FRAS1: variants seen among roughly 807,000 people sequenced by gnomAD.
FRAS1 encodes Fraser extracellular matrix complex subunit 1.
FRAS1 carries 290 observed loss-of-function variants against 435.2 expected under a neutral mutation model. The ratio of observed to expected loss-of-function variants is 0.67; its 90% CI spans 0.61 to 0.73. The LOEUF is 0.73. Among genes scored for constraint, FRAS1 ranks in the 30% least tolerant of loss-of-function variants. The pLI, the probability that FRAS1 is intolerant of heterozygous loss-of-function variation, is 0.00. For synonymous variants in FRAS1, 1,800 were observed against 1,851.0 expected, an observed-to-expected ratio of 0.97 and a Z score of 0.71; for missense variants, 4,860 against 5,001.5, an observed-to-expected ratio of 0.97 and a Z score of 0.85.
chr4:78,532,630 C>G (rs544377236), intron 70 of FRAS1, among the ~76,000 whole-genome samples: 28 of 152,218 alleles, frequency 1.8e-4, no homozygotes, highest in African/African-American at 6.7e-4. Flanking sequence ...CCTCGTCGCT[C>G]CTGGTAACCA....
In FRAS1 at chr4:78,065,973, T is replaced by C; in HGVS notation, c.77-12T>C. 13 of 1,603,064 alleles carry C rather than the reference T, an allele frequency of 8.1e-6. No homozygotes were observed. Among genetic ancestry groups the C allele is most frequent in the Non-Finnish European group, 1.1e-5 (13 of 1,171,054 alleles). Reference sequence around the variant, plus strand: ...GCATCCCTTTTAATTCTTGTTTTGTTTTTCCCCACAGGTGCTTGTGTCTAT... The same window carrying C: ...GCATCCCTTTTAATTCTTGTTTTGTCTTTCCCCACAGGTGCTTGTGTCTAT... On this transcript the variant is annotated splice_polypyrimidine_tract_variant and intron_variant, in intron 1 of 73. Coordinates refer to ENST00000512123, the MANE Select transcript of FRAS1 (RefSeq NM_025074.7).
chr4:78,115,033 G>A (rs1311596438), intron 2 of FRAS1, among the ~76,000 whole-genome samples: 1 of 152,114 alleles, frequency 6.6e-6, no homozygotes, highest in East Asian at 1.9e-4. Context: ...AGAGTTTTTA[G>A]CATGAAGGAT....
intron 32 of FRAS1, among the ~76,000 whole-genome samples, chr4:78,418,740 G>A (rs974149249): frequency 2.6e-5 from 4 of 152,146 alleles, no homozygotes; most frequent in Non-Finnish European, 5.9e-5. Flanking sequence ...AAGAAAATCT[G>A]AAAAGGACTC....
intron 47 of FRAS1, among the ~76,000 whole-genome samples, chr4:78,458,637 A>G (rs1363639009): frequency 6.6e-6 from 1 of 152,108 alleles, no homozygotes; most frequent in Non-Finnish European, 1.5e-5. Flanking sequence ...CAGAAGCCCA[A>G]ACTTCAGCAT....
chr4:78,144,014 GA>G (rs1486794970), intron 2 of FRAS1, among the ~76,000 whole-genome samples: 20 of 150,050 alleles, frequency 1.3e-4, no homozygotes, highest in African/African-American at 4.7e-4. Flanking sequence ...AAATATTTTA[GA>G]AAAAAATAAG....
chr4:78,260,718 T>C (rs1012692188), intron 6 of FRAS1, among the ~76,000 whole-genome samples: 1 of 152,178 alleles, frequency 6.6e-6, no homozygotes, highest in African/African-American at 2.4e-5. Context: ...CTAATTACCC[T>C]GGCCAGAACT....
At chr4:78,255,522 CTG>C in intron 6 of FRAS1, 147 bp downstream of exon 6, 1 of 771,688 alleles carries the variant, frequency 1.3e-6, no homozygotes, top group South Asian at 2.0e-5. Flanking sequence ...GAGACCACCT[CTG>C]AGACATTTCT....
rs960733267 is a variant in FRAS1, at chr4:78,534,737, A to G, written c.11092+122A>G. ...GTCACCACCCCAGTAAAGATCCCCC[A>G]GGGTTGGTTCCAGGACAGCCAGGAC... On this transcript the variant is annotated intron_variant, in intron 71 of 73. Coordinates refer to ENST00000512123, the MANE Select transcript of FRAS1 (RefSeq NM_025074.7). 3.2e-6 allele frequency: 3 copies of G among 926,972 alleles called. No individual in the cohort carries two copies. In the African/African-American group the frequency reaches 5.0e-5, roughly 16 times the overall value. 57.4% of individuals were successfully genotyped at this position (926,972 alleles called of 1,614,324 possible).
chr4:78,358,653 A>G (rs1730959011), intron 20 of FRAS1, among the ~76,000 whole-genome samples: 1 of 152,204 alleles, frequency 6.6e-6, no homozygotes. Flanking sequence ...AACTATAATA[A>G]TAATATGAAT....
At chr4:78,237,799 A>G (rs554713752) in intron 3 of FRAS1, among the ~76,000 whole-genome samples, 182 bp downstream of exon 3, 2 of 152,350 alleles carry the variant, frequency 1.3e-5, no homozygotes, top group East Asian at 3.9e-4. Flanking sequence ...GAATTTTAAC[A>G]TATCATATCA....
At chr4:78,114,880 G>A (rs1222802338) in intron 2 of FRAS1, among the ~76,000 whole-genome samples, 1 of 152,160 alleles carries the variant, frequency 6.6e-6, no homozygotes, top group East Asian at 1.9e-4. Context: ...AATAGGAGTG[G>A]TGAGAGAGGG....
At chr4:78,194,929 G>T (rs1722731941) in intron 2 of FRAS1, among the ~76,000 whole-genome samples, 1 of 152,138 alleles carries the variant, frequency 6.6e-6, no homozygotes, top group Non-Finnish European at 1.5e-5. Flanking sequence ...TTTGATGGTG[G>T]TGATGTACAG....
At chr4:78,157,295 T>G (rs747276760) in intron 2 of FRAS1, among the ~76,000 whole-genome samples, 8 of 152,224 alleles carry the variant, frequency 5.3e-5, no homozygotes, top group Non-Finnish European at 1.2e-4. Flanking sequence ...TGTACATGCA[T>G]ATGTCTTTTT....
chr4:78,180,723 CAG>C, intron 2 of FRAS1: 1 of 692,260 alleles, frequency 1.4e-6, no homozygotes. Context: ...ATTTTTGAAA[CAG>C]ATAAAATTCA....
intron 2 of FRAS1, among the ~76,000 whole-genome samples, chr4:78,116,922 G>A (rs1743229847): frequency 6.6e-6 from 1 of 152,182 alleles, no homozygotes; most frequent in Non-Finnish European, 1.5e-5. Flanking sequence ...TTTCTTCCTA[G>A]CCTTGATGAT....
At chr4:78,215,808 A>G (rs1289877706) in intron 2 of FRAS1, among the ~76,000 whole-genome samples, 1 of 152,208 alleles carries the variant, frequency 6.6e-6, no homozygotes, top group East Asian at 1.9e-4. Flanking sequence ...GCTGATTGAT[A>G]TTCCATTGTA....
intron 2 of FRAS1, among the ~76,000 whole-genome samples, chr4:78,067,021 T>C (rs1043978225): frequency 5.3e-5 from 8 of 152,350 alleles, no homozygotes; most frequent in African/African-American, 1.9e-4. Flanking sequence ...GCCCTGTTTA[T>C]TCTTTAATAT....
At chr4:78,068,200 T>C (rs182979345) in intron 2 of FRAS1, among the ~76,000 whole-genome samples, 156 of 152,144 alleles carry the variant, frequency 1.0e-3, no homozygotes, top group Non-Finnish European at 1.8e-3. Flanking sequence ...AAGTAAAATA[T>C]ATAGAATGTC....
intron 4 of FRAS1, among the ~76,000 whole-genome samples, chr4:78,251,159 T>C (rs559402802): frequency 2.0e-5 from 3 of 152,326 alleles, no homozygotes; most frequent in African/African-American, 7.2e-5. Flanking sequence ...AATTGCCCTG[T>C]CTTTTATTGG....
Sources: gnomAD v4.1 joint callset for allele counts (sites outside exome capture counted in the v4.1 genomes callset) on GRCh38, gnomAD v4.1.1 for gene constraint, MANE v1.5 for transcripts, NCBI Gene and HGNC (gene_info 2026-07-23, HGNC 2026-07-21) for gene names.